The following TP53I11 variants were observed in gnomAD, a reference collection of about 807,000 sequenced individuals.
The protein encoded by TP53I11 is tumor protein p53 inducible protein 11, also known as tumor protein p53-inducible protein 11.
Under a neutral mutation model 23.3 loss-of-function variants are expected in TP53I11, and 9 were observed. The ratio of observed to expected loss-of-function variants is 0.39; its 90% CI spans 0.23 to 0.67. The LOEUF is 0.67. Ranked by LOEUF, TP53I11 falls within the 30% of genes least tolerant of loss-of-function variation. The probability of loss-of-function intolerance (pLI) is 0.48; values close to 1 mark genes in which losing one functional copy is unlikely to be tolerated. For synonymous variants in TP53I11, 100 were observed against 106.1 expected, an observed-to-expected ratio of 0.94 and a Z score of 0.35; for missense variants, 170 against 255.2, an observed-to-expected ratio of 0.67 and a Z score of 2.27.
intron 1 of TP53I11, among the ~76,000 whole-genome samples, chr11:44,948,110 T>C (rs1256374123): frequency 1.3e-5 from 2 of 151,662 alleles, no homozygotes; most frequent in Non-Finnish European, 2.9e-5. Flanking sequence ...CTGGGAGGGG[T>C]CCAGCCAGTG....
intron 2 of TP53I11, 87 bp from the exon 3 acceptor site, chr11:44,937,700 C>A: frequency 6.9e-7 from 1 of 1,440,056 alleles, no homozygotes; most frequent in South Asian, 1.2e-5. Context: ...CCTGCACACC[C>A]AGGGACCAGC....
rs552373700 is a variant in TP53I11, at chr11:44,937,750, G to A, written c.130-137C>T. On this transcript the variant is annotated intron_variant, in intron 2 of 6. Transcript: ENST00000525680. ...TTGGCCAAAGGTTCCCCCAGGTGGG[G>A]AGGGTCACATGAGGCCACCCCCTCT... The A allele has an allele frequency of 6.4e-5, 54 of 838,264 alleles. 1 individual carries two copies. In the South Asian group the frequency reaches 7.1e-4, roughly 11 times the overall value. 51.9% of individuals were successfully genotyped at this position (838,264 alleles called of 1,614,324 possible). A position where few individuals can be genotyped will look rare whatever the true frequency, so the allele number is the denominator to read the frequency against.
chr11:44,947,231 G>C, intron 1 of TP53I11: 1 of 425,976 alleles, frequency 2.3e-6, no homozygotes, highest in Non-Finnish European at 4.7e-6. Flanking sequence ...AGAACATGAA[G>C]AATTCCTGTC....
At chr11:44,946,802 C>G (rs1862430105) in intron 1 of TP53I11, among the ~76,000 whole-genome samples, 1 of 152,102 alleles carries the variant, frequency 6.6e-6, no homozygotes. Flanking sequence ...AGAATGTGGT[C>G]TCTAGGGCCC....
At chr11:44,946,758 T>A (rs1287915245) in intron 1 of TP53I11, among the ~76,000 whole-genome samples, 1 of 152,126 alleles carries the variant, frequency 6.6e-6, no homozygotes, top group Admixed American at 6.5e-5. Flanking sequence ...CCAGGCCCTG[T>A]CTTTGGGGCT....
chr11:44,936,627 C>T lies in TP53I11; in HGVS notation c.334+176G>A. 1 of 1,332,370 alleles carries T rather than the reference C, an allele frequency of 7.5e-7. No homozygotes were observed. Among genetic ancestry groups the T allele is most frequent in the Non-Finnish European group, 9.6e-7 (1 of 1,040,414 alleles). 82.5% of individuals were successfully genotyped at this position (1,332,370 alleles called of 1,614,324 possible). ...CCACTGGGTGTATTCCACCAATGGC[C>T]ACAAGATGGCAGCACATCCCCAGCA... On this transcript the variant is annotated intron_variant, in intron 5 of 6. Transcript: ENST00000525680. The surrounding 1 kb of genome is among the most constrained non-coding windows in gnomAD (Gnocchi z 4.4).
At chr11:44,942,335 CCA>C (rs151152697) in intron 1 of TP53I11, among the ~76,000 whole-genome samples, 8,469 of 146,312 alleles carry the variant, frequency 0.058, 266 homozygotes, top group Middle Eastern at 0.13. Context: ...ACCATAGACA[CCA>C]CACACACACA....
Position 44,934,746 on chromosome 11 carries a change from G to A in TP53I11, c.*138C>T. The A allele has an allele frequency of 8.1e-7, 1 of 1,232,778 alleles. No homozygotes were observed. Among genetic ancestry groups the A allele is most frequent in the Non-Finnish European group, 1.1e-6 (1 of 904,482 alleles). 76.4% of individuals were successfully genotyped at this position (1,232,778 alleles called of 1,614,324 possible). A position where few individuals can be genotyped will look rare whatever the true frequency, so the allele number is the denominator to read the frequency against. ...ACGGGGTGCCCAGGAGGAAAGGAAG[G>A]CCCCCCACCCCCTGCCTCCCTGGGG... is the stretch of plus-strand genomic sequence containing the variant. On this transcript the variant is annotated 3_prime_UTR_variant, in exon 7 of 7. Transcript: ENST00000525680.
At chr11:44,944,050 C>A (rs1862158295) in intron 1 of TP53I11, among the ~76,000 whole-genome samples, 1 of 152,194 alleles carries the variant, frequency 6.6e-6, no homozygotes, top group South Asian at 2.1e-4. Context: ...GGTCAGGTGG[C>A]CTTAAGCGAG....
Position 44,937,246 on chromosome 11 carries a change from AG to A in TP53I11, c.237+57del. ...GGAGGAGGCACCTCTGGTGAGCCAG[AG>A]AAGGGCTGAGGGAGCCACACGGGGC... is the stretch of plus-strand genomic sequence containing the variant. On this transcript the variant is annotated intron_variant, in intron 4 of 6. Transcript: ENST00000525680. 1.9e-6 allele frequency: 3 copies of A among 1,540,952 alleles called. No homozygotes were observed. In the Middle Eastern group the frequency reaches 5.2e-4, roughly 267 times the overall value.
chr11:44,935,674 G>A lies in TP53I11; in HGVS notation c.335-12C>T. 6.4e-6 allele frequency: 4 copies of A among 626,948 alleles called. No individual in the cohort carries two copies. The highest frequency in any genetic ancestry group is 1.4e-5 in the South Asian group (1 of 71,086). 38.8% of individuals were successfully genotyped at this position (626,948 alleles called of 1,614,324 possible). Reference sequence around the variant, plus strand: ...GATCAGGGAGATGCCTGGGGCGGGGGATGAAAAGGGGGCTGGGGGTGGGAC... The same window carrying A: ...GATCAGGGAGATGCCTGGGGCGGGGAATGAAAAGGGGGCTGGGGGTGGGAC... On this transcript the variant is annotated splice_polypyrimidine_tract_variant and intron_variant, in intron 5 of 6. Transcript: ENST00000525680.
At chr11:44,943,603 C>G (rs940816224) in intron 1 of TP53I11, among the ~76,000 whole-genome samples, 2 of 152,256 alleles carry the variant, frequency 1.3e-5, no homozygotes, top group East Asian at 3.8e-4. Context: ...TCTGTCCCCC[C>G]ACCATGCTCC....
chr11:44,937,157 G>C lies in TP53I11; in HGVS notation c.237+147C>G, dbSNP rs570763742. 2.3e-5 allele frequency: 23 copies of C among 993,878 alleles called. No homozygotes were observed. The African/African-American group carries it at 3.3e-4, about 14-fold the overall frequency. The allele number at this position is 993,878 out of a possible 1,614,324, so 61.6% of individuals were successfully genotyped here. ...AGAAGGCACAGGCGTGGCAGTGTAGGAGTCAGGTTCTCGGAGGCAGCCCCA... is the reference window on the plus strand; with the variant it reads ...AGAAGGCACAGGCGTGGCAGTGTAGCAGTCAGGTTCTCGGAGGCAGCCCCA... On this transcript the variant is annotated intron_variant, in intron 4 of 6. Coordinates refer to ENST00000525680, the MANE Select transcript of TP53I11 (RefSeq NM_006034.5).
At chr11:44,941,488 G>A (rs566808122) in intron 1 of TP53I11, among the ~76,000 whole-genome samples, 2 of 152,142 alleles carry the variant, frequency 1.3e-5, no homozygotes, top group Non-Finnish European at 2.9e-5. Flanking sequence ...ATCACTGCCT[G>A]GCTGTGTGCC....
In TP53I11 at chr11:44,934,903, C is replaced by T. The variant is rs375540016; in HGVS notation, c.551G>A (p.Arg184Gln). 18 of 1,613,990 alleles carry T rather than the reference C, an allele frequency of 1.1e-5. No homozygotes were observed. Among genetic ancestry groups the T allele is most frequent in the South Asian group, 4.4e-5 (4 of 91,094 alleles). Residue 184 changes from arginine (R) to glutamine (Q), a missense_variant, in exon 7 of 7, where the codon CGA becomes CAA. Arg to Gln is a conservative substitution (Grantham distance 43). Coordinates refer to ENST00000525680, the MANE Select transcript of TP53I11 (RefSeq NM_006034.5). ...ISIYYYYQVG[R>Q]RPKKA ...GGGCAACTAGGCCTTCTTGGGTCTT[C>T]GGCCGACTTGGTAATAGTAGTAAAT...
chr11:44,946,787 A>C (rs1326263331), intron 1 of TP53I11, among the ~76,000 whole-genome samples: 1 of 152,136 alleles, frequency 6.6e-6, no homozygotes, highest in East Asian at 1.9e-4. Flanking sequence ...TTGTCTAAGA[A>C]AATGAGAATG....
intron 1 of TP53I11, among the ~76,000 whole-genome samples, chr11:44,942,310 CA>C (rs1861933580): frequency 6.8e-6 from 1 of 147,922 alleles, no homozygotes; most frequent in African/African-American, 2.5e-5. Flanking sequence ...ACCACACCCA[CA>C]CCACACATTA....
chr11:44,946,979 G>C (rs1862446536), intron 1 of TP53I11: 1 of 455,830 alleles, frequency 2.2e-6, no homozygotes, highest in Non-Finnish European at 4.4e-6. Context: ...GCAGAGGAAA[G>C]CCCAACCTTT....
chr11:44,937,284 G>C lies in TP53I11; in HGVS notation c.237+20C>G. On this transcript the variant is annotated intron_variant, in intron 4 of 6. Transcript: ENST00000525680. ...GAGCCACACGGGGCCAGATCTCAGG[G>C]GCTGGGGGTGGGGGCTCACCATGAT... is the stretch of plus-strand genomic sequence containing the variant. The C allele has an allele frequency of 6.6e-7, 1 of 1,523,496 alleles. No homozygotes were observed. The highest frequency in any genetic ancestry group is 8.8e-7 in the Non-Finnish European group (1 of 1,136,568). 94.4% of individuals were successfully genotyped at this position (1,523,496 alleles called of 1,614,324 possible).
Sources: allele counts gnomAD v4.1 joint callset (sites outside exome capture counted in the v4.1 genomes callset), GRCh38; gene constraint gnomAD v4.1.1; non-coding constraint Gnocchi (gnomAD v3.1); transcripts MANE v1.5; gene names NCBI Gene and HGNC (gene_info 2026-07-23, HGNC 2026-07-21).